Variants in INPP1 observed in about 807,000 individuals in gnomAD.
INPP1 encodes the protein inositol polyphosphate 1-phosphatase.
INPP1 carries 18 observed loss-of-function variants against 23.0 expected under a neutral mutation model. That is an observed-to-expected ratio of 0.78 (90% CI 0.54 to 1.16). The LOEUF (loss-of-function observed/expected upper bound fraction) is 1.16, where lower values mean the gene tolerates loss of function less well. Among genes scored for constraint, INPP1 ranks in the 50% most tolerant of loss-of-function variants. The probability of loss-of-function intolerance (pLI) is 0.00; values close to 1 mark genes in which losing one functional copy is unlikely to be tolerated. For missense variants in INPP1, 448 were observed against 482.1 expected, an observed-to-expected ratio of 0.93 and a Z score of 0.66; for synonymous variants, 164 against 176.3, an observed-to-expected ratio of 0.93 and a Z score of 0.55.
rs991929656 is a variant in INPP1 at position 190,354,296 on chromosome 2, A to G, written c.-65+5265A>G. Among the ~76,000 whole-genome samples, 1 of 152,236 alleles carries G rather than the reference A, an allele frequency of 6.6e-6. No individual in the cohort carries two copies. Among genetic ancestry groups the G allele is most frequent in the South Asian group, 2.1e-4 (1 of 4,828 alleles). On this transcript the variant is annotated intron_variant, in intron 2 of 6. Coordinates refer to ENST00000392329, the MANE Select transcript of INPP1 (RefSeq NM_001128928.2). This position sits in a 1 kb window ranked among gnomAD's most constrained non-coding sequence, Gnocchi z 4.8. Reference sequence around the variant, plus strand: ...TGGCCAGAAAACAAAAGACAAAGGAATAGATTGTGTCAGCTAATAGATTGG... The same window carrying G: ...TGGCCAGAAAACAAAAGACAAAGGAGTAGATTGTGTCAGCTAATAGATTGG...
rs1208361306 is a variant in INPP1 at position 190,366,581 on chromosome 2, C to T, written c.266-114C>T. Reference sequence around the variant, plus strand: ...TCGCTCTCTGTGTCTCTCGCTCTCTCTCTGTCTCTCTCTCTCGCTCTCTCT... The same window carrying T: ...TCGCTCTCTGTGTCTCTCGCTCTCTTTCTGTCTCTCTCTCTCGCTCTCTCT... On this transcript the variant is annotated intron_variant, in intron 4 of 6. Transcript: ENST00000392329. 3 of 783,566 alleles carry T rather than the reference C, an allele frequency of 3.8e-6. No individual in the cohort carries two copies. The Admixed American group carries it at 6.1e-5, about 16-fold the overall frequency. The allele number at this position is 783,566 out of a possible 1,614,324, so 48.5% of individuals were successfully genotyped here.
In INPP1 at chr2:190,343,916, G is replaced by C. The variant is rs758972639; in HGVS notation, c.-254G>C. On this transcript the variant is annotated 5_prime_UTR_variant, in exon 1 of 7. Coordinates refer to ENST00000392329, the MANE Select transcript of INPP1 (RefSeq NM_001128928.2). ...CTGCTCCCCGCCGCTTCCGTTTCTC[G>C]AGGGAAAGGCTGCTGCCTCCTGCTC... 2.8e-5 allele frequency: 5 copies of C among 177,938 alleles called. No individual in the cohort carries two copies. Among genetic ancestry groups the C allele is most frequent in the African/African-American group, 7.2e-5 (3 of 41,650 alleles). 11.0% of individuals were successfully genotyped at this position (177,938 alleles called of 1,614,324 possible).
Position 190,345,683 on chromosome 2 carries a change from T to G in INPP1, c.-209+1722T>G, listed in dbSNP as rs1347907858. 5 of 152,216 alleles carry G rather than the reference T, an allele frequency of 3.3e-5. No homozygotes were observed. In the East Asian group the frequency reaches 7.7e-4, roughly 23 times the overall value. The allele number at this position is 152,216 out of a possible 1,614,324, so 9.4% of individuals were successfully genotyped here. ...AAGTTAATAAAACTATGTTAATGTG[T>G]TTGGCTGAGAGCTTAGAAATAAAGG... is the stretch of plus-strand genomic sequence containing the variant. On this transcript the variant is annotated intron_variant, in intron 1 of 6. Transcript: ENST00000392329. This position sits in a 1 kb window ranked among gnomAD's most constrained non-coding sequence, Gnocchi z 4.9.
Position 190,369,186 on chromosome 2 carries a change from A to G in INPP1, c.550A>G (p.Ile184Val), listed in dbSNP as rs1488960208. Residue 184 changes from isoleucine to valine, a missense_variant, in exon 6 of 7, where the codon ATT becomes GTT. Coordinates refer to ENST00000392329, the MANE Select transcript of INPP1 (RefSeq NM_001128928.2). ...IFPCGLQCVT[I>V]LIGVYDIQTG... ...CCCCTGTGGACTTCAGTGTGTCACC[A>G]TTTTAATTGGTGTCTATGACATACA... 5.6e-6 allele frequency: 9 copies of G among 1,609,668 alleles called. No homozygotes were observed. In the Admixed American group the frequency reaches 1.2e-4, roughly 21 times the overall value.
rs1689392331 is a variant in INPP1, at chr2:190,354,925, G to GGTGTATGTGTGT, written c.-64-5110_-64-5109insATGTGTGTGTGT. ...AACCTAGTGACAGATATCAACTAGG[G>GGTGTATGTGTGT]GTGTGTGTGTGTGTGTGTGTGCATT... On this transcript the variant is annotated intron_variant, in intron 2 of 6. Coordinates refer to ENST00000392329, the MANE Select transcript of INPP1 (RefSeq NM_001128928.2). The surrounding 1 kb of genome is among the most constrained non-coding windows in gnomAD (Gnocchi z 4.8). Among the ~76,000 whole-genome samples, 1 of 146,564 alleles carries GGTGTATGTGTGT rather than the reference G, an allele frequency of 6.8e-6. No individual in the cohort carries two copies. Among genetic ancestry groups the GGTGTATGTGTGT allele is most frequent in the African/African-American group, 2.5e-5 (1 of 39,330 alleles).
Position 190,362,701 on chromosome 2 carries a change from T to A in INPP1, c.265+14T>A. 1 of 1,481,650 alleles carries A rather than the reference T, an allele frequency of 6.7e-7. No individual in the cohort carries two copies. Among genetic ancestry groups the A allele is most frequent in the Non-Finnish European group, 9.3e-7 (1 of 1,069,786 alleles). 91.8% of individuals were successfully genotyped at this position (1,481,650 alleles called of 1,614,324 possible). A position where few individuals can be genotyped will look rare whatever the true frequency, so the allele number is the denominator to read the frequency against. On this transcript the variant is annotated intron_variant, in intron 4 of 6. Coordinates refer to ENST00000392329, the MANE Select transcript of INPP1 (RefSeq NM_001128928.2). ...CTAATGACTGGGGTAAGTATAAGAA[T>A]CTTAATGTGTCTTTGTAATTTAATT...
intron 2 of INPP1, among the ~76,000 whole-genome samples, chr2:190,357,179 C>A (rs1026063098): frequency 2.6e-5 from 4 of 152,164 alleles, no homozygotes; most frequent in African/African-American, 9.7e-5. Flanking sequence ...TTTCTATCAC[C>A]TGAAAGCTTT....
intron 3 of INPP1, among the ~76,000 whole-genome samples, chr2:190,361,422 A>T (rs991748864): frequency 2.0e-5 from 3 of 152,260 alleles, no homozygotes; most frequent in African/African-American, 7.2e-5. Flanking sequence ...ATGAAATGCC[A>T]TCATGAAATC....
In INPP1 at chr2:190,370,473, G is replaced by T. The variant is rs368368638; in HGVS notation, c.642-371G>T. On this transcript the variant is annotated intron_variant, in intron 6 of 6. Transcript: ENST00000392329. ...TTATAGGGATTGTAGAATATTTGCA[G>T]ATCAAAAAGAGATATCACTTTTCTA... 2.6e-5 allele frequency among the ~76,000 whole-genome samples: 4 copies of T among 152,264 alleles called. No homozygotes were observed. The East Asian group carries it at 5.8e-4, about 22-fold the overall frequency.
chr2:190,345,610 G>A lies in INPP1; in HGVS notation c.-209+1649G>A, dbSNP rs756524754. ...GTGTATATAAGCACTTTTTCCCGAT[G>A]TGAGTCCTTATGAATGTTCTTGTTA... On this transcript the variant is annotated intron_variant, in intron 1 of 6. Coordinates refer to ENST00000392329, the MANE Select transcript of INPP1 (RefSeq NM_001128928.2). The surrounding 1 kb of genome is among the most constrained non-coding windows in gnomAD (Gnocchi z 4.9). 3.3e-5 allele frequency: 5 copies of A among 152,198 alleles called. No individual in the cohort carries two copies. Among genetic ancestry groups the A allele is most frequent in the African/African-American group, 7.2e-5 (3 of 41,454 alleles). 9.4% of individuals were successfully genotyped at this position (152,198 alleles called of 1,614,324 possible).
chr2:190,347,440 A>T (rs1442633290), intron 1 of INPP1, among the ~76,000 whole-genome samples: 1 of 152,186 alleles, frequency 6.6e-6, no homozygotes, highest in African/African-American at 2.4e-5. Flanking sequence ...ATACCTATAA[A>T]ATAATTTGAC....
At chr2:190,369,925 C>G (rs1233165773) in intron 6 of INPP1, among the ~76,000 whole-genome samples, 1 of 152,170 alleles carries the variant, frequency 6.6e-6, no homozygotes, top group African/African-American at 2.4e-5. Context: ...TATTTTTTCA[C>G]TTATATAGGA....
intron 4 of INPP1, 30 bp downstream of exon 4, chr2:190,362,717 T>C (rs374460348): frequency 9.3e-6 from 13 of 1,401,852 alleles, no homozygotes; most frequent in Non-Finnish European, 1.3e-5. Context: ...TGTGTCTTTG[T>C]AATTTAATTA....
intron 5 of INPP1, 43 bp from the exon 6 acceptor site, chr2:190,369,060 A>C: frequency 7.7e-7 from 1 of 1,292,236 alleles, no homozygotes; most frequent in South Asian, 1.6e-5. Flanking sequence ...AGTCTTCTAA[A>C]TGATCTTTAC....
At chr2:190,364,356 G>A (rs1179917154) in intron 4 of INPP1, among the ~76,000 whole-genome samples, 1 of 151,884 alleles carries the variant, frequency 6.6e-6, no homozygotes, top group Non-Finnish European at 1.5e-5. Flanking sequence ...TGGCTAACAC[G>A]GTGAAACCCC....
chr2:190,367,208 G>A lies in INPP1; in HGVS notation c.466+313G>A, dbSNP rs546352877. ...TCAAAAGACTTCAGGGACCAGACTG[G>A]TAAGTAAATGAGAGAATGAAGTGAG... is the stretch of plus-strand genomic sequence containing the variant. On this transcript the variant is annotated intron_variant, in intron 5 of 6. Transcript: ENST00000392329. The surrounding 1 kb of genome is among the most constrained non-coding windows in gnomAD (Gnocchi z 4.1). Among the ~76,000 whole-genome samples the A allele has an allele frequency of 9.9e-5, 15 of 152,114 alleles. No homozygotes were observed. The highest frequency in any genetic ancestry group is 2.1e-4 in the Non-Finnish European group (14 of 68,036).
At chr2:190,366,263 TTCACTCTTCCTGTCTCTCTCTC>T (rs1689663994) in intron 4 of INPP1, among the ~76,000 whole-genome samples, 1 of 94,952 alleles carries the variant, frequency 1.1e-5, no homozygotes. Context: ...CTCTGTCTCT[TTCACTCTTCCTGTCTCTCTCTC>T]GCTCTCTGTC....
Position 190,370,907 on chromosome 2 carries a change from C to T in INPP1, c.705C>T (p.Leu235=), listed in dbSNP as rs763630206. The T allele has an allele frequency of 1.2e-6, 2 of 1,614,144 alleles. No homozygotes were observed. The highest frequency in any genetic ancestry group is 1.3e-5 in the African/African-American group (1 of 75,034). ...GGACCAACATGCATTCACTACAGCTCACCATCTCTAGAAGAAACGGCAGTG... is the reference window on the plus strand; with the variant it reads ...GGACCAACATGCATTCACTACAGCTTACCATCTCTAGAAGAAACGGCAGTG... ...YMGTNMHSLQ[L]TISRRNGSET... is the part of the protein sequence containing the mutation. The change falls in exon 7 of 7, where the codon CTC becomes CTT. Residue 235 remains leucine, a synonymous_variant. Transcript: ENST00000392329.
In INPP1 at chr2:190,354,246, G is replaced by A. The variant is rs140718206; in HGVS notation, c.-65+5215G>A. Among the ~76,000 whole-genome samples the A allele has an allele frequency of 6.7e-3, 1,020 of 152,286 alleles. 11 individuals are homozygous for A. Among genetic ancestry groups the A allele is most frequent in the African/African-American group, 0.023 (969 of 41,546 alleles). The stretch of plus-strand genomic sequence containing the variant: ...TCTTATTGACGACATAAATGGGGAG[G>A]AAAACACTATCCCATTTTCACTTTT... On this transcript the variant is annotated intron_variant, in intron 2 of 6. Transcript: ENST00000392329. This position sits in a 1 kb window ranked among gnomAD's most constrained non-coding sequence, Gnocchi z 4.8.
Sources: allele counts gnomAD v4.1 joint callset (sites outside exome capture counted in the v4.1 genomes callset), GRCh38; gene constraint gnomAD v4.1.1; non-coding constraint Gnocchi (gnomAD v3.1); transcripts MANE v1.5; gene names NCBI Gene and HGNC (gene_info 2026-07-23, HGNC 2026-07-21).